ZNF277: variants seen among roughly 807,000 people sequenced by gnomAD.
ZNF277 encodes the protein nuclear receptor-interacting factor 4.
Under a neutral mutation model 60.7 loss-of-function variants are expected in ZNF277, and 55 were observed. That is an observed-to-expected ratio of 0.91 (90% CI 0.73 to 1.13). The LOEUF (loss-of-function observed/expected upper bound fraction) is 1.13. Ranked by LOEUF, ZNF277 falls within the 50% of genes most tolerant of loss-of-function variation. The probability of loss-of-function intolerance (pLI) is 0.00; values close to 1 mark genes in which losing one functional copy is unlikely to be tolerated. For missense variants in ZNF277, 510 were observed against 523.0 expected, an observed-to-expected ratio of 0.98 and a Z score of 0.24; for synonymous variants, 178 against 179.3, an observed-to-expected ratio of 0.99 and a Z score of 0.06.
intron 1 of ZNF277, among the ~76,000 whole-genome samples, chr7:112,245,956 T>C (rs1791072784): frequency 6.6e-6 from 1 of 152,154 alleles, no homozygotes; most frequent in Admixed American, 6.5e-5. Flanking sequence ...GACACTCACC[T>C]TCTTCCTTTG....
intron 2 of ZNF277, among the ~76,000 whole-genome samples, chr7:112,294,067 TTCC>T (rs1190852224): frequency 6.6e-6 from 1 of 152,238 alleles, no homozygotes; most frequent in Non-Finnish European, 1.5e-5. Flanking sequence ...TTCTACTGTG[TTCC>T]TTCATCCCTG....
Position 112,208,726 on chromosome 7 carries a change from G to A in ZNF277, c.91+1919G>A, listed in dbSNP as rs1332536666. Among the ~76,000 whole-genome samples the A allele has an allele frequency of 6.4e-5, 8 of 125,434 alleles. No individual in the cohort carries two copies. The East Asian group carries it at 1.7e-3, about 26-fold the overall frequency. The allele number at this position is 125,434 out of a possible 152,430, so 82.3% of individuals were successfully genotyped here. On this transcript the variant is annotated intron_variant, in intron 1 of 11. Coordinates refer to ENST00000361822, the MANE Select transcript of ZNF277 (RefSeq NM_021994.3). ...GACGGAGTCTCGCTTTGTCAACCAG[G>A]CTGGAGTGCAGTGGCGCGATCTCGG...
intron 4 of ZNF277, among the ~76,000 whole-genome samples, chr7:112,303,777 A>AT (rs1215650153): frequency 2.6e-5 from 4 of 151,836 alleles, no homozygotes; most frequent in Non-Finnish European, 5.9e-5. Context: ...AATTCGTCTC[A>AT]TTTTTTTATC....
At chr7:112,268,886 T>A (rs1022531455) in intron 1 of ZNF277, among the ~76,000 whole-genome samples, 1 of 152,156 alleles carries the variant, frequency 6.6e-6, no homozygotes, top group Non-Finnish European at 1.5e-5. Context: ...GTTGGGCATT[T>A]TGTTTTAATC....
At chr7:112,323,118 A>G (rs1480430667) in intron 5 of ZNF277, among the ~76,000 whole-genome samples, 1 of 152,206 alleles carries the variant, frequency 6.6e-6, no homozygotes, top group Non-Finnish European at 1.5e-5. Context: ...TTTAGCCTCC[A>G]CTTCTTGCTT....
At chr7:112,321,187 C>G (rs887865518) in intron 5 of ZNF277, among the ~76,000 whole-genome samples, 4 of 151,938 alleles carry the variant, frequency 2.6e-5, no homozygotes, top group Non-Finnish European at 5.9e-5. Context: ...TCCCAAAGTG[C>G]TGGGATTACA....
chr7:112,267,112 G>A (rs771799756), intron 1 of ZNF277, among the ~76,000 whole-genome samples: 23 of 152,134 alleles, frequency 1.5e-4, no homozygotes, highest in East Asian at 3.9e-4. Context: ...GGTTTAGAAC[G>A]CAGCAGAAAT....
chr7:112,212,851 T>TA (rs1455649016), intron 1 of ZNF277, among the ~76,000 whole-genome samples: 1 of 152,184 alleles, frequency 6.6e-6, no homozygotes, highest in Non-Finnish European at 1.5e-5. Flanking sequence ...AGTGCTACTC[T>TA]ACTCACACCC....
In ZNF277 at chr7:112,296,269, A is replaced by G. The variant is rs1285150225; in HGVS notation, c.423A>G (p.Pro141=). The G allele has an allele frequency of 1.9e-6, 3 of 1,593,850 alleles. No homozygotes were observed. Among genetic ancestry groups the G allele is most frequent in the Admixed American group, 1.8e-5 (1 of 55,334 alleles). Reference sequence around the variant, plus strand: ...ATTTTTTGTTATGTGACGTTTTACCAGAAGATAGAATTCTTAGAGAAGAGC... The same window carrying G: ...ATTTTTTGTTATGTGACGTTTTACCGGAAGATAGAATTCTTAGAGAAGAGC... ...ENYFLLCDVL[P]EDRILREELQ... Residue 141 remains proline, a synonymous_variant, in exon 4 of 12, where the codon CCA becomes CCG. Transcript: ENST00000361822.
At chr7:112,224,608 T>C (rs898849770) in intron 1 of ZNF277, among the ~76,000 whole-genome samples, 10 of 152,140 alleles carry the variant, frequency 6.6e-5, no homozygotes, top group Non-Finnish European at 1.0e-4. Flanking sequence ...ATGGCAAGAA[T>C]TTTTTTCAGC....
chr7:112,224,756 A>G (rs887555778), intron 1 of ZNF277, among the ~76,000 whole-genome samples: 1 of 152,214 alleles, frequency 6.6e-6, no homozygotes, highest in Non-Finnish European at 1.5e-5. Context: ...CATGACTAAA[A>G]TATGGTCAAT....
chr7:112,277,654 C>A (rs1001735375), intron 1 of ZNF277, among the ~76,000 whole-genome samples: 2 of 152,068 alleles, frequency 1.3e-5, no homozygotes, highest in Admixed American at 1.3e-4. Flanking sequence ...GCTCAATCTC[C>A]GCATGTGCCT....
chr7:112,302,918 A>G lies in ZNF277; in HGVS notation c.465+6607A>G, dbSNP rs866655161. Among the ~76,000 whole-genome samples the G allele has an allele frequency of 1.1e-3, 164 of 150,894 alleles. 4 individuals carry two copies. Among genetic ancestry groups the G allele is most frequent in the Middle Eastern group, 3.5e-3 (1 of 282 alleles). On this transcript the variant is annotated intron_variant, in intron 4 of 11. Transcript: ENST00000361822. ...TCTAATTGCACCAGGATACTTTATC[A>G]CATTTGATCTTTCTTTCTGAGCAAA...
At chr7:112,290,519 C>T (rs1792183767) in intron 2 of ZNF277, among the ~76,000 whole-genome samples, 4 of 152,092 alleles carry the variant, frequency 2.6e-5, no homozygotes, top group Admixed American at 2.6e-4. Context: ...GAAAAGGATG[C>T]ATATCTGATA....
At chr7:112,215,265 G>A (rs932154366) in intron 1 of ZNF277, among the ~76,000 whole-genome samples, 1 of 152,180 alleles carries the variant, frequency 6.6e-6, no homozygotes, top group African/African-American at 2.4e-5. Context: ...ACTTTAAAAT[G>A]ATTACAAACT....
intron 1 of ZNF277, among the ~76,000 whole-genome samples, chr7:112,285,186 C>T (rs895239544): frequency 6.6e-5 from 10 of 151,940 alleles, no homozygotes; most frequent in African/African-American, 1.2e-4. Context: ...TGCACCACCA[C>T]GCCCAGCTTA....
chr7:112,264,735 C>T (rs985664640), intron 1 of ZNF277, among the ~76,000 whole-genome samples: 5 of 151,644 alleles, frequency 3.3e-5, no homozygotes, highest in Non-Finnish European at 7.4e-5. Context: ...CACAATAAAG[C>T]GAGTCACATG....
intron 1 of ZNF277, among the ~76,000 whole-genome samples, chr7:112,253,789 A>G (rs1035836257): frequency 6.6e-6 from 1 of 152,202 alleles, no homozygotes; most frequent in African/African-American, 2.4e-5. Context: ...AGATCTATAT[A>G]TGATCATCTC....
chr7:112,250,799 T>C (rs1358996784), intron 1 of ZNF277, among the ~76,000 whole-genome samples: 2 of 152,102 alleles, frequency 1.3e-5, no homozygotes, highest in Non-Finnish European at 2.9e-5. Flanking sequence ...TCCCAAGTGG[T>C]GGAAGTCTTG....
Sources: allele counts gnomAD v4.1 joint callset (sites outside exome capture counted in the v4.1 genomes callset), GRCh38; gene constraint gnomAD v4.1.1; transcripts MANE v1.5; gene names NCBI Gene and HGNC (gene_info 2026-07-23, HGNC 2026-07-21).